Variants in TEAD4 observed in about 807,000 individuals in gnomAD.
TEAD4 encodes the protein transcriptional enhancer factor TEF-3.
TEAD4 carries 36 observed loss-of-function variants against 52.4 expected under a neutral mutation model. The observed-to-expected ratio is 0.69, with a 90% confidence interval of 0.53 to 0.91. The LOEUF (loss-of-function observed/expected upper bound fraction) is 0.91. Among genes scored for constraint, TEAD4 ranks in the 40% least tolerant of loss-of-function variants. The probability of loss-of-function intolerance (pLI) is 0.00; values close to 1 mark genes in which losing one functional copy is unlikely to be tolerated. For synonymous variants in TEAD4, 220 were observed against 231.0 expected (o/e 0.95, Z 0.43); for missense variants, 508 against 583.9 (o/e 0.87, Z 1.34).
chr12:3,018,626 C>G, intron 7 of TEAD4, 38 bp downstream of exon 7: 2 of 1,613,700 alleles, frequency 1.2e-6, no homozygotes, highest in Non-Finnish European at 1.7e-6. Flanking sequence ...CAGTTGCTCC[C>G]TGAACTGAAC....
intron 6 of TEAD4, among the ~76,000 whole-genome samples, chr12:3,017,727 G>A (rs1220295140): frequency 6.6e-6 from 1 of 152,200 alleles, no homozygotes; most frequent in Non-Finnish European, 1.5e-5. Flanking sequence ...CTTTCTTGGG[G>A]TCCTCGGCAA....
chr12:2,992,016 C>CCT (rs764385107), intron 2 of TEAD4, among the ~76,000 whole-genome samples: 4 of 107,662 alleles, frequency 3.7e-5, no homozygotes, highest in Admixed American at 1.1e-4. Context: ...GCGGTTCCTG[C>CCT]TTTTTTTTTT....
chr12:3,004,277 G>C (rs2098254086), intron 3 of TEAD4, among the ~76,000 whole-genome samples: 2 of 152,220 alleles, frequency 1.3e-5, no homozygotes, highest in Admixed American at 1.3e-4. Flanking sequence ...ATCCTGGGGG[G>C]AAATAGCCAG....
At chr12:3,007,308 G>A (rs941527354) in intron 3 of TEAD4, among the ~76,000 whole-genome samples, 8 of 152,180 alleles carry the variant, frequency 5.3e-5, no homozygotes, top group Non-Finnish European at 1.2e-4. Context: ...GCACTGTTAC[G>A]GGGCAGTCCT....
At chr12:2,968,484 A>G (rs1057503323) in intron 2 of TEAD4, among the ~76,000 whole-genome samples, 9 of 139,936 alleles carry the variant, frequency 6.4e-5, no homozygotes, top group African/African-American at 2.5e-4. Context: ...TGTGGCCTCA[A>G]CCTCCCGCGC....
intron 9 of TEAD4, among the ~76,000 whole-genome samples, chr12:3,021,597 C>T (rs747610111): frequency 7.9e-5 from 12 of 152,172 alleles, no homozygotes; most frequent in African/African-American, 1.9e-4. Flanking sequence ...CGGTGTGAGC[C>T]GCCGCACCCG....
rs376156864 is a variant in TEAD4, at chr12:3,040,265, C to T, written c.1191+6C>T. On this transcript the variant is annotated splice_donor_region_variant and intron_variant, in intron 12 of 12. Transcript: ENST00000359864. ...AGAACTTCACCATCCTGCAGGTGTG[C>T]GGCGGGTGCTGCGGGTGTGGCTGGA... 1.4e-4 allele frequency: 232 copies of T among 1,613,980 alleles called. No individual in the cohort carries two copies. The highest frequency in any genetic ancestry group is 8.3e-4 in the African/African-American group (62 of 74,910).
chr12:3,038,214 A>T, intron 11 of TEAD4, 106 bp downstream of exon 11: 1 of 1,436,150 alleles, frequency 7.0e-7, no homozygotes, highest in Non-Finnish European at 9.4e-7. Context: ...GGGAGCCAGG[A>T]TAATCCCTTG....
intron 2 of TEAD4, among the ~76,000 whole-genome samples, chr12:2,964,929 A>G (rs1434960949): frequency 6.6e-6 from 1 of 152,102 alleles, no homozygotes; most frequent in Non-Finnish European, 1.5e-5. Flanking sequence ...AGGCCACACA[A>G]GCTGCTTTGC....
chr12:2,966,810 G>A (rs546010198), intron 2 of TEAD4, among the ~76,000 whole-genome samples: 20 of 151,994 alleles, frequency 1.3e-4, no homozygotes, highest in South Asian at 6.2e-4. Context: ...GGGTTCAAGC[G>A]ATTCTCCTGC....
chr12:3,010,628 G>T (rs950127800), intron 3 of TEAD4, among the ~76,000 whole-genome samples: 3 of 152,210 alleles, frequency 2.0e-5, no homozygotes, highest in African/African-American at 7.2e-5. Context: ...GCAGCTCCCT[G>T]GAGCCTCCCA....
intron 3 of TEAD4, among the ~76,000 whole-genome samples, chr12:3,003,730 T>A (rs1591578793): frequency 6.6e-6 from 1 of 151,962 alleles, no homozygotes; most frequent in Admixed American, 6.6e-5. Flanking sequence ...CTGGCAGGGG[T>A]GTCCTTCCCA....
At chr12:2,978,087 T>C (rs1266315555) in intron 2 of TEAD4, among the ~76,000 whole-genome samples, 2 of 152,178 alleles carry the variant, frequency 1.3e-5, no homozygotes, top group Non-Finnish European at 2.9e-5. Flanking sequence ...TCTTTTCTTT[T>C]CCAGCTGTAA....
chr12:3,031,907 C>G (rs1254436752), intron 10 of TEAD4, among the ~76,000 whole-genome samples: 1 of 152,086 alleles, frequency 6.6e-6, no homozygotes, highest in Non-Finnish European at 1.5e-5. Flanking sequence ...ACTGGCTGCC[C>G]TCCATGCAGC....
At position 3,040,253 on chromosome 12, in the gene TEAD4, C is replaced by G; in HGVS notation, c.1185C>G (p.Ile395Met). Residue 395 changes from isoleucine (I) to methionine (M), a missense_variant, in exon 12 of 13, where the codon ATC becomes ATG. Ile to Met is a conservative substitution (Grantham distance 10). Coordinates refer to ENST00000359864, the MANE Select transcript of TEAD4 (RefSeq NM_003213.4). The stretch of plus-strand genomic sequence containing the variant: ...ACAGCGTGCTGGAGAACTTCACCAT[C>G]CTGCAGGTGTGCGGCGGGTGCTGCG... 1.2e-6 allele frequency: 2 copies of G among 1,614,202 alleles called. No individual in the cohort carries two copies. The highest frequency in any genetic ancestry group is 1.3e-5 in the African/African-American group (1 of 75,054).
intron 2 of TEAD4, among the ~76,000 whole-genome samples, chr12:2,968,384 C>CTT (rs1389695316): frequency 2.3e-5 from 2 of 86,334 alleles, no homozygotes; most frequent in East Asian, 2.8e-4. Context: ...CCGCGCCCGG[C>CTT]CTTTTTTTTT....
At chr12:3,021,794 C>T in intron 9 of TEAD4, 50 bp from the exon 10 acceptor site, 2 of 1,586,164 alleles carry the variant, frequency 1.3e-6, no homozygotes, top group Non-Finnish European at 1.7e-6. Flanking sequence ...GGTTGTCTGT[C>T]TGACCGTCTG....
intron 3 of TEAD4, among the ~76,000 whole-genome samples, chr12:2,995,591 C>A (rs751187657): frequency 2.3e-4 from 35 of 152,136 alleles, no homozygotes; most frequent in Non-Finnish European, 3.7e-4. Flanking sequence ...ACGGCTTGAT[C>A]TTTGTGAGTG....
chr12:3,004,055 C>T (rs1014110362), intron 3 of TEAD4, among the ~76,000 whole-genome samples: 6 of 152,228 alleles, frequency 3.9e-5, no homozygotes, highest in Non-Finnish European at 7.3e-5. Context: ...CTCTGGGGGC[C>T]TTCTGGTGTC....
Sources: allele counts gnomAD v4.1 joint callset (sites outside exome capture counted in the v4.1 genomes callset), GRCh38; gene constraint gnomAD v4.1.1; transcripts MANE v1.5; gene names NCBI Gene and HGNC (gene_info 2026-07-23, HGNC 2026-07-21).